PTP4A1: variants seen among roughly 807,000 people sequenced by gnomAD.
The protein encoded by PTP4A1 is protein tyrosine phosphatase type IVA 1.
PTP4A1 carries 9 observed loss-of-function variants against 20.5 expected under a neutral mutation model. The observed-to-expected ratio is 0.44, with a 90% CI of 0.26 to 0.77. PTP4A1 has a LOEUF of 0.77. Among genes scored for constraint, PTP4A1 ranks in the 30% least tolerant of loss-of-function variants. The pLI is 0.19. For synonymous variants in PTP4A1, 78 were observed against 67.4 expected (o/e 1.16, Z -0.77); for missense variants, 137 against 218.8 (o/e 0.63, Z 2.36).
chr6:63,566,734 A>T (rs955547115), intron 3 of PTP4A1, among the ~76,000 whole-genome samples: 2 of 152,146 alleles, frequency 1.3e-5, no homozygotes, highest in African/African-American at 4.8e-5. Context: ...GAAATAAGAC[A>T]ATGGAGTTTG....
chr6:63,540,618 C>T (rs1408336618), intron 2 of PTP4A1, among the ~76,000 whole-genome samples: 1 of 151,158 alleles, frequency 6.6e-6, no homozygotes, highest in African/African-American at 2.4e-5. Context: ...GATAGAGACC[C>T]TGTATCACAA....
At position 63,576,860 on chromosome 6, in the gene PTP4A1, G is replaced by C; in HGVS notation, c.-21G>C. On this transcript the variant is annotated 5_prime_UTR_variant, in exon 2 of 6. Coordinates refer to ENST00000626021, the MANE Select transcript of PTP4A1 (RefSeq NM_003463.5). ...TTTAATTATTTCATAACCCTATTGA[G>C]TGTTTTTTAACTAAATTAACATGGC... 1 of 1,584,818 alleles carries C rather than the reference G, an allele frequency of 6.3e-7. No individual in the cohort carries two copies. The highest frequency in any genetic ancestry group is 8.6e-7 in the Non-Finnish European group (1 of 1,158,732).
intron 2 of PTP4A1, among the ~76,000 whole-genome samples, chr6:63,530,447 T>A (rs1400467898): frequency 1.3e-5 from 2 of 152,174 alleles, no homozygotes; most frequent in Non-Finnish European, 2.9e-5. Flanking sequence ...TAAGATGCTC[T>A]AGGTAAACAT....
Position 63,576,878 on chromosome 6 carries a change from A to T in PTP4A1, c.-3A>T, listed in dbSNP as rs1777898380. 10 of 1,609,752 alleles carry T rather than the reference A, an allele frequency of 6.2e-6. No individual in the cohort carries two copies. The highest frequency in any genetic ancestry group is 8.5e-6 in the Non-Finnish European group (10 of 1,178,624). ...CTATTGAGTGTTTTTTAACTAAATT[A>T]ACATGGCTCGAATGAACCGCCCAGC... On this transcript the variant is annotated 5_prime_UTR_variant, in exon 2 of 6. Coordinates refer to ENST00000626021, the MANE Select transcript of PTP4A1 (RefSeq NM_003463.5).
At chr6:63,530,262 G>T (rs1270239209) in intron 2 of PTP4A1, among the ~76,000 whole-genome samples, 3 of 152,046 alleles carry the variant, frequency 2.0e-5, no homozygotes, top group African/African-American at 7.2e-5. Flanking sequence ...CCAAGGTGAA[G>T]AAAAGGCATA....
chr6:63,575,069 G>C (rs1164466883), intron 1 of PTP4A1, among the ~76,000 whole-genome samples: 1 of 152,132 alleles, frequency 6.6e-6, no homozygotes, highest in African/African-American at 2.4e-5. Context: ...GATGTTTTCT[G>C]CAGTAATCAT....
chr6:63,576,717 T>G lies in PTP4A1; in HGVS notation c.-164T>G. 1.6e-6 allele frequency: 1 copy of G among 624,682 alleles called. No homozygotes were observed. The highest frequency in any genetic ancestry group is 2.8e-6 in the Non-Finnish European group (1 of 358,448). 38.7% of individuals were successfully genotyped at this position (624,682 alleles called of 1,614,324 possible). A position where few individuals can be genotyped will look rare whatever the true frequency, so the allele number is the denominator to read the frequency against. On this transcript the variant is annotated 5_prime_UTR_variant, in exon 2 of 6. Coordinates refer to ENST00000626021, the MANE Select transcript of PTP4A1 (RefSeq NM_003463.5). ...GGATTGAAGAATTGCTGCTTCTTGT[T>G]AGGAGGTTCATTTCACTTATCATTA...
At chr6:63,522,435 G>C (rs115674879) in intron 1 of PTP4A1, among the ~76,000 whole-genome samples, 5,692 of 152,216 alleles carry the variant, frequency 0.037, 360 homozygotes, top group African/African-American at 0.13. Context: ...GGGGACCCTA[G>C]TTACAATTCA....
intron 2 of PTP4A1, among the ~76,000 whole-genome samples, chr6:63,531,458 T>C (rs570206865): frequency 1.3e-5 from 2 of 151,080 alleles, no homozygotes; most frequent in Non-Finnish European, 2.9e-5. Context: ...CATCACAAAA[T>C]CCAGAAGAGA....
intron 2 of PTP4A1, among the ~76,000 whole-genome samples, chr6:63,531,969 T>C (rs1775491801): frequency 6.6e-6 from 1 of 152,012 alleles, no homozygotes; most frequent in Admixed American, 6.6e-5. Flanking sequence ...GCTGGTTAAT[T>C]TTTGTATTTT....
At chr6:63,545,873 G>A (rs1170978285) in intron 2 of PTP4A1, among the ~76,000 whole-genome samples, 1 of 151,928 alleles carries the variant, frequency 6.6e-6, no homozygotes, top group African/African-American at 2.4e-5. Context: ...AGAAAAAAAA[G>A]AAAAGAAAGA....
intron 1 of PTP4A1, among the ~76,000 whole-genome samples, chr6:63,522,095 C>A (rs1774948642): frequency 1.3e-5 from 2 of 152,208 alleles, no homozygotes; most frequent in East Asian, 1.9e-4. Flanking sequence ...TTGGTAGAAC[C>A]TTTTGTTAAT....
intron 4 of PTP4A1, 100 bp from the exon 5 acceptor site, chr6:63,579,157 G>T (rs1778059307): frequency 1.4e-6 from 2 of 1,381,358 alleles, no homozygotes; most frequent in South Asian, 1.4e-5. Flanking sequence ...AAATAGGAAG[G>T]GTGGTAGATA....
rs563694211 is a variant in PTP4A1 at position 63,565,011 on chromosome 6, T to C, written c.-445-11425T>C. Among the ~76,000 whole-genome samples the C allele has an allele frequency of 2.0e-5, 3 of 152,242 alleles. No homozygotes were observed. The East Asian group carries it at 5.8e-4, about 29-fold the overall frequency. The stretch of plus-strand genomic sequence containing the variant: ...ACTAATCAATCTGTCCATCATTTCT[T>C]TTTTGTTTTTCCTTGAGAGAGAGGG... On this transcript the variant is annotated intron_variant, in intron 3 of 3. Transcript: ENST00000639568.
At position 63,544,841 on chromosome 6, in the gene PTP4A1, A is replaced by G. The variant is rs560807406; in HGVS notation, c.-639-5459A>G. 1.2e-3 allele frequency among the ~76,000 whole-genome samples: 185 copies of G among 152,324 alleles called. 3 individuals carry two copies. The highest frequency in any genetic ancestry group is 4.4e-3 in the African/African-American group (181 of 41,584). ...AATTTCTCCCATTACTGAAGATATT[A>G]ACTTTGGTCACTTGGTCATGGTGAT... is the stretch of plus-strand genomic sequence containing the variant. On this transcript the variant is annotated intron_variant, in intron 2 of 3. Coordinates refer to the PTP4A1 transcript ENST00000639568.
chr6:63,548,815 C>T (rs1776310371), intron 2 of PTP4A1: 1 of 745,498 alleles, frequency 1.3e-6, no homozygotes, highest in Non-Finnish European at 2.4e-6. Flanking sequence ...CGGCGGATCT[C>T]ATTGTATCTG....
At chr6:63,566,886 T>C (rs1429957154) in intron 3 of PTP4A1, among the ~76,000 whole-genome samples, 1 of 152,248 alleles carries the variant, frequency 6.6e-6, no homozygotes, top group Non-Finnish European at 1.5e-5. Context: ...GTTTATGTGA[T>C]ATTCTAAATC....
intron 3 of PTP4A1, among the ~76,000 whole-genome samples, chr6:63,566,461 G>A (rs1481733251): frequency 2.0e-5 from 3 of 152,160 alleles, no homozygotes; most frequent in African/African-American, 7.2e-5. Flanking sequence ...AAGCTGGTTT[G>A]GGTTCAAGCC....
intron 3 of PTP4A1, among the ~76,000 whole-genome samples, chr6:63,554,027 A>G (rs897843635): frequency 1.3e-5 from 2 of 152,194 alleles, no homozygotes; most frequent in African/African-American, 4.8e-5. Flanking sequence ...ATTTCCATAG[A>G]CATTGACTAT....
Sources: gnomAD v4.1 joint callset for allele counts (sites outside exome capture counted in the v4.1 genomes callset) on GRCh38, gnomAD v4.1.1 for gene constraint, MANE v1.5 for transcripts, NCBI Gene and HGNC (gene_info 2026-07-23, HGNC 2026-07-21) for gene names.